KHDRBS2: variants seen among roughly 807,000 people sequenced by gnomAD.
The protein encoded by KHDRBS2 is KH RNA binding domain containing, signal transduction associated 2.
In KHDRBS2, 26 loss-of-function variants were observed where a neutral mutation model predicts 44.3. That is an observed-to-expected ratio of 0.59 (90% CI 0.43 to 0.81). The LOEUF is 0.81. Among genes scored for constraint, KHDRBS2 ranks in the 40% least tolerant of loss-of-function variants. The pLI is 0.00. For synonymous variants in KHDRBS2, 194 were observed against 151.1 expected, an observed-to-expected ratio of 1.28 and a Z score of -2.08; for missense variants, 476 against 433.1, an observed-to-expected ratio of 1.10 and a Z score of -0.88.
the KHDRBS2 span, among the ~76,000 whole-genome samples, chr6:61,552,762 G>GT: frequency 6.6e-6 from 1 of 151,962 alleles, no homozygotes; most frequent in Non-Finnish European, 1.5e-5. Flanking sequence ...TAATCATGTG[G>GT]TTTTTGTTTT....
intron 7 of KHDRBS2, among the ~76,000 whole-genome samples, chr6:61,721,634 C>T (rs1198591314): frequency 8.0e-6 from 1 of 124,642 alleles, no homozygotes; most frequent in Non-Finnish European, 1.8e-5. Flanking sequence ...GATTTTGTAT[C>T]CTGAGACTTT....
intron 3 of KHDRBS2, among the ~76,000 whole-genome samples, chr6:62,029,860 A>AT (rs1162537923): frequency 6.6e-6 from 1 of 151,976 alleles, no homozygotes; most frequent in Non-Finnish European, 1.5e-5. Flanking sequence ...TAGATATTGC[A>AT]TTTTTGTTTA....
At chr6:61,575,654 A>T in the KHDRBS2 span, among the ~76,000 whole-genome samples, 5 of 152,308 alleles carry the variant, frequency 3.3e-5, no homozygotes, top group South Asian at 1.0e-3. Flanking sequence ...GGCCTTGCAC[A>T]CATGTTTACA....
chr6:62,193,353 C>A (rs1043890369), intron 1 of KHDRBS2, among the ~76,000 whole-genome samples: 5 of 151,916 alleles, frequency 3.3e-5, no homozygotes, highest in African/African-American at 1.2e-4. Context: ...GATAAAACAG[C>A]CACAATTTTT....
chr6:61,765,496 G>A (rs1039417823), intron 6 of KHDRBS2, among the ~76,000 whole-genome samples: 6 of 151,784 alleles, frequency 4.0e-5, no homozygotes, highest in Non-Finnish European at 5.9e-5. Flanking sequence ...AATAAATAAA[G>A]GATCCTACAT....
intron 4 of KHDRBS2, among the ~76,000 whole-genome samples, chr6:61,910,731 T>C (rs1320699719): frequency 6.6e-6 from 1 of 152,162 alleles, no homozygotes; most frequent in Admixed American, 6.5e-5. Flanking sequence ...CTTTTATCCA[T>C]CCTACCCTAG....
At chr6:61,751,903 T>C (rs1713856254) in intron 6 of KHDRBS2, among the ~76,000 whole-genome samples, 1 of 60,464 alleles carries the variant, frequency 1.7e-5, no homozygotes, top group Admixed American at 1.6e-4. Flanking sequence ...TGCCTTCTCA[T>C]TGTGTCATCA....
chr6:62,068,360 ATTT>A, intron 2 of KHDRBS2, among the ~76,000 whole-genome samples: 1 of 150,240 alleles, frequency 6.7e-6, no homozygotes, highest in South Asian at 2.1e-4. Context: ...TCCAGTTTTA[ATTT>A]TTTTTTCTTA....
At position 61,681,110 on chromosome 6, in the gene KHDRBS2, A is replaced by G. The variant is rs138365221; in HGVS notation, c.953-50T>C. The G allele has an allele frequency of 6.6e-3, 8,281 of 1,261,076 alleles. 42 individuals carry two copies. Among genetic ancestry groups the G allele is most frequent in the Non-Finnish European group, 7.6e-3 (6,527 of 864,314 alleles). 78.1% of individuals were successfully genotyped at this position (1,261,076 alleles called of 1,614,324 possible). ...CACACACATGACTTCACAGTTACCA[A>G]AAATAGTCATTTAAGACACAATAGT... is the stretch of plus-strand genomic sequence containing the variant. On this transcript the variant is annotated intron_variant, in intron 8 of 8. Coordinates refer to ENST00000281156, the MANE Select transcript of KHDRBS2 (RefSeq NM_152688.4).
the KHDRBS2 span, among the ~76,000 whole-genome samples, chr6:61,622,438 T>G: frequency 6.6e-6 from 1 of 152,168 alleles, no homozygotes; most frequent in African/African-American, 2.4e-5. Context: ...CAAAAATTCA[T>G]TAACATGTAC....
At chr6:61,868,524 C>T (rs1798112082) in intron 6 of KHDRBS2, among the ~76,000 whole-genome samples, 1 of 152,180 alleles carries the variant, frequency 6.6e-6, no homozygotes, top group Non-Finnish European at 1.5e-5. Context: ...CTGGAGGCCC[C>T]AGCTGGGAGG....
At chr6:61,646,109 C>A in the KHDRBS2 span, among the ~76,000 whole-genome samples, 1 of 152,122 alleles carries the variant, frequency 6.6e-6, no homozygotes, top group African/African-American at 2.4e-5. Flanking sequence ...ACGAGTCAGT[C>A]CATATAAAGT....
At position 61,869,964 on chromosome 6, in the gene KHDRBS2, G is replaced by GTTTTTTTT. The variant is rs59518436; in HGVS notation, c.810+24663_810+24670dup. ...TAGACACCGAACTAGCTGCAGGAGT[G>GTTTTTTTT]TTTTTTTTTTTTTTTTTTTTTTTCC... On this transcript the variant is annotated intron_variant, in intron 6 of 8. Coordinates refer to ENST00000281156, the MANE Select transcript of KHDRBS2 (RefSeq NM_152688.4). Among the ~76,000 whole-genome samples, 9 of 108,976 alleles carry GTTTTTTTT rather than the reference G, an allele frequency of 8.3e-5. 1 individual carries two copies. The highest frequency in any genetic ancestry group is 3.4e-4 in the African/African-American group (9 of 26,356). 71.5% of individuals were successfully genotyped at this position (108,976 alleles called of 152,430 possible).
At chr6:61,715,721 G>A (rs2127552786) in intron 7 of KHDRBS2, among the ~76,000 whole-genome samples, 2 of 151,152 alleles carry the variant, frequency 1.3e-5, no homozygotes, top group South Asian at 4.2e-4. Context: ...TTCTCTAATT[G>A]TTTACAAATA....
intron 6 of KHDRBS2, among the ~76,000 whole-genome samples, chr6:61,840,067 A>G (rs1241740748): frequency 6.6e-6 from 1 of 152,094 alleles, no homozygotes; most frequent in Non-Finnish European, 1.5e-5. Flanking sequence ...TTATTACTAG[A>G]ACAAAAATGT....
the KHDRBS2 span, among the ~76,000 whole-genome samples, chr6:61,655,964 G>GT: frequency 6.6e-6 from 1 of 152,034 alleles, no homozygotes; most frequent in Admixed American, 6.6e-5. Flanking sequence ...CCCCATCTGT[G>GT]TTTGTTTCTG....
chr6:62,215,703 G>T (rs1422775360), intron 1 of KHDRBS2, among the ~76,000 whole-genome samples: 5 of 151,322 alleles, frequency 3.3e-5, no homozygotes, highest in Admixed American at 6.6e-5. Context: ...TTATAATTTT[G>T]GTTTCATAAC....
At chr6:61,752,814 GA>G (rs773972934) in intron 6 of KHDRBS2, among the ~76,000 whole-genome samples, 3 of 151,678 alleles carry the variant, frequency 2.0e-5, no homozygotes, top group African/African-American at 7.2e-5. Flanking sequence ...AAATACTATA[GA>G]AAAAATGAAG....
At chr6:62,252,361 T>A (rs1836688241) in intron 1 of KHDRBS2, among the ~76,000 whole-genome samples, 1 of 151,996 alleles carries the variant, frequency 6.6e-6, no homozygotes, top group South Asian at 2.1e-4. Context: ...CCTATTTGAA[T>A]AACACCTTTC....
Sources: allele counts gnomAD v4.1 joint callset (sites outside exome capture counted in the v4.1 genomes callset), GRCh38; gene constraint gnomAD v4.1.1; transcripts MANE v1.5; gene names NCBI Gene and HGNC (gene_info 2026-07-23, HGNC 2026-07-21).